NEDD4L: variants seen among roughly 807,000 people sequenced by gnomAD.
NEDD4L encodes NEDD4 like E3 ubiquitin protein ligase.
Under a neutral mutation model 148.9 loss-of-function variants are expected in NEDD4L, and 54 were observed. That is an observed-to-expected ratio of 0.36 (90% CI 0.29 to 0.45). NEDD4L has a LOEUF of 0.45. Among genes scored for constraint, NEDD4L ranks in the 20% least tolerant of loss-of-function variants. NEDD4L has a pLI of 1.00. For missense variants in NEDD4L, 856 were observed against 1,233.8 expected (o/e 0.69, Z 4.59); for synonymous variants, 433 against 440.7 (o/e 0.98, Z 0.22).
intron 2 of NEDD4L, among the ~76,000 whole-genome samples, chr18:58,181,419 A>C (rs2038847746): frequency 6.6e-6 from 1 of 152,184 alleles, no homozygotes; most frequent in Non-Finnish European, 1.5e-5. Flanking sequence ...TTTCTTTAAG[A>C]AAGGAATTTG....
At chr18:58,161,953 T>C (rs1053750954) in intron 1 of NEDD4L, among the ~76,000 whole-genome samples, 4 of 152,206 alleles carry the variant, frequency 2.6e-5, no homozygotes, top group Admixed American at 2.6e-4. Flanking sequence ...TCAAGTTGCA[T>C]GTCCGGGTAG....
intron 1 of NEDD4L, among the ~76,000 whole-genome samples, chr18:58,056,894 C>CTTTTTTTTTTTTTTTTTTT (rs74183230): frequency 3.3e-5 from 4 of 121,598 alleles, no homozygotes; most frequent in East Asian, 2.9e-4. Flanking sequence ...GCTATGCCCT[C>CTTTTTTTTTTTTTTTTTTT]TTTTTTTTTT....
intron 5 of NEDD4L, among the ~76,000 whole-genome samples, chr18:58,284,829 T>C (rs2053654673): frequency 1.3e-5 from 2 of 152,218 alleles, no homozygotes; most frequent in African/African-American, 4.8e-5. Context: ...TCAGGAGTGA[T>C]GTCATTAACC....
At chr18:58,074,525 G>A (rs1254806015) in intron 1 of NEDD4L, among the ~76,000 whole-genome samples, 2 of 149,206 alleles carry the variant, frequency 1.3e-5, no homozygotes, top group South Asian at 2.2e-4. Context: ...CGCTCACCTC[G>A]GCCTCCCAAA....
intron 2 of NEDD4L, among the ~76,000 whole-genome samples, chr18:58,225,187 C>T (rs2044220080): frequency 2.0e-5 from 3 of 152,164 alleles, no homozygotes; most frequent in Non-Finnish European, 4.4e-5. Flanking sequence ...CCCTGTCACC[C>T]GTGTGGAACT....
chr18:58,219,536 C>T (rs1234725601), intron 2 of NEDD4L, among the ~76,000 whole-genome samples: 2 of 152,160 alleles, frequency 1.3e-5, no homozygotes, highest in African/African-American at 2.4e-5. Flanking sequence ...TCTGGATGTC[C>T]GGAGCCTGCG....
intron 1 of NEDD4L, among the ~76,000 whole-genome samples, chr18:58,117,859 G>A (rs192060347): frequency 6.6e-6 from 1 of 152,324 alleles, no homozygotes; most frequent in East Asian, 1.9e-4. Context: ...TGTATAGAAT[G>A]TTTCCCGTCT....
intron 2 of NEDD4L, among the ~76,000 whole-genome samples, chr18:58,176,200 ACTCTCCCCCTGT>A (rs1443736449): frequency 4.1e-5 from 6 of 145,946 alleles, no homozygotes; most frequent in African/African-American, 1.5e-4. Context: ...TCTCTCTCTC[ACTCTCCCCCTGT>A]CTCCCTCCCT....
intron 2 of NEDD4L, among the ~76,000 whole-genome samples, chr18:58,233,698 G>A (rs1170470995): frequency 6.6e-6 from 1 of 152,208 alleles, no homozygotes; most frequent in Non-Finnish European, 1.5e-5. Flanking sequence ...CTTTAATGGA[G>A]TATTAGTTTG....
chr18:58,237,807 G>C (rs1213701181), intron 2 of NEDD4L, among the ~76,000 whole-genome samples: 1 of 152,130 alleles, frequency 6.6e-6, no homozygotes, highest in African/African-American at 2.4e-5. Flanking sequence ...ACATACAGTT[G>C]CCCCCTGTCT....
In NEDD4L at chr18:58,134,291, G is replaced by A. The variant is rs1414457428; in HGVS notation, c.49-31497G>A. Among the ~76,000 whole-genome samples the A allele has an allele frequency of 1.1e-4, 16 of 151,954 alleles. No individual in the cohort carries two copies. The East Asian group carries it at 1.4e-3, about 13-fold the overall frequency. The stretch of plus-strand genomic sequence containing the variant: ...GCTGGCATTACAGGCATGAGCTACC[G>A]CACCTGGCCTAATATTCTTAATTTG... On this transcript the variant is annotated intron_variant, in intron 1 of 30. Transcript: ENST00000400345.
rs1010063266 is a variant in NEDD4L at position 58,256,632 on chromosome 18, G to A, written c.297+4578G>A. Reference sequence around the variant, plus strand: ...GCGGAGAGGACTCCGCAGGGCCAGGGGTGCACATTTAAGATCAGGCAGGAT... The same window carrying A: ...GCGGAGAGGACTCCGCAGGGCCAGGAGTGCACATTTAAGATCAGGCAGGAT... On this transcript the variant is annotated intron_variant, in intron 5 of 30. Transcript: ENST00000400345. The surrounding 1 kb of genome is among the most constrained non-coding windows in gnomAD (Gnocchi z 5.2). The A allele has an allele frequency of 5.1e-5, 63 of 1,232,082 alleles. No individual in the cohort carries two copies. The highest frequency in any genetic ancestry group is 8.4e-5 in the Admixed American group (2 of 23,710). 76.3% of individuals were successfully genotyped at this position (1,232,082 alleles called of 1,614,324 possible).
rs139976620 is a variant in NEDD4L, at chr18:58,074,727, T to G, written c.48+30019T>G. Among the ~76,000 whole-genome samples, 670 of 152,256 alleles carry G rather than the reference T, an allele frequency of 4.4e-3. 4 individuals carry two copies. The highest frequency in any genetic ancestry group is 7.8e-3 in the Non-Finnish European group (530 of 68,010). Reference sequence around the variant, plus strand: ...CAAAGTAAGGAATGATAATTTGTTTTGAAGAATAAAACAGATTCTTGTCTC... The same window carrying G: ...CAAAGTAAGGAATGATAATTTGTTTGGAAGAATAAAACAGATTCTTGTCTC... On this transcript the variant is annotated intron_variant, in intron 1 of 30. Transcript: ENST00000400345.
At chr18:58,283,248 G>A (rs980549330) in intron 5 of NEDD4L, among the ~76,000 whole-genome samples, 1 of 152,050 alleles carries the variant, frequency 6.6e-6, no homozygotes, top group Non-Finnish European at 1.5e-5. Context: ...GCTAATTTCT[G>A]TATTTTTAGT....
At chr18:58,347,214 G>GCCC (rs1293604264) in intron 16 of NEDD4L, among the ~76,000 whole-genome samples, 2 of 34,040 alleles carry the variant, frequency 5.9e-5, no homozygotes, top group Admixed American at 2.7e-4. Flanking sequence ...GGCCCCCCCC[G>GCCC]CCCCCCCCCC....
At position 58,368,971 on chromosome 18, in the gene NEDD4L, G is replaced by A. The variant is rs369743802; in HGVS notation, c.2185+1104G>A. Among the ~76,000 whole-genome samples the A allele has an allele frequency of 4.3e-4, 65 of 152,346 alleles. 1 individual carries two copies. The South Asian group carries it at 0.011, about 25-fold the overall frequency. ...TGAGAAGATGCTGTTAGTTGCTACA[G>A]TGTCTTTAATACCCTCTCTAACAGG... On this transcript the variant is annotated intron_variant, in intron 22 of 30. Coordinates refer to ENST00000400345, the MANE Select transcript of NEDD4L (RefSeq NM_001144967.3).
chr18:58,334,245 C>T (rs887143556), intron 12 of NEDD4L, among the ~76,000 whole-genome samples: 1 of 152,160 alleles, frequency 6.6e-6, no homozygotes, highest in Non-Finnish European at 1.5e-5. Flanking sequence ...CACATTGAGT[C>T]CCTTTAACCA....
At chr18:58,160,521 G>C (rs2036071813) in intron 1 of NEDD4L, among the ~76,000 whole-genome samples, 1 of 152,170 alleles carries the variant, frequency 6.6e-6, no homozygotes, top group South Asian at 2.1e-4. Context: ...GCATTGTACA[G>C]CCAATCTATG....
At chr18:58,186,249 C>T (rs8093734) in intron 2 of NEDD4L, among the ~76,000 whole-genome samples, 1,876 of 152,352 alleles carry the variant, frequency 0.012, 34 homozygotes, top group African/African-American at 0.043. Context: ...CCCCCACTCC[C>T]TCTGCCCTCT....
Sources: allele counts gnomAD v4.1 joint callset (sites outside exome capture counted in the v4.1 genomes callset), GRCh38; gene constraint gnomAD v4.1.1; non-coding constraint Gnocchi (gnomAD v3.1); transcripts MANE v1.5; gene names NCBI Gene and HGNC (gene_info 2026-07-23, HGNC 2026-07-21).